The following MACROD1 variants were observed in gnomAD, a reference collection of about 807,000 sequenced individuals.
MACROD1 encodes ADP-ribose glycohydrolase MACROD1.
In MACROD1, 31 loss-of-function variants were observed where a neutral mutation model predicts 41.4. The observed-to-expected ratio is 0.75, with a 90% confidence interval of 0.56 to 1.01. The LOEUF (loss-of-function observed/expected upper bound fraction) is 1.01. MACROD1 is among the 50% of genes least tolerant of loss of function. MACROD1 has a pLI of 0.00. For synonymous variants in MACROD1, 252 were observed against 203.4 expected, an observed-to-expected ratio of 1.24 and a Z score of -2.03; for missense variants, 473 against 460.0, an observed-to-expected ratio of 1.03 and a Z score of -0.26.
Position 64,165,911 on chromosome 11 carries a change from G to C in MACROD1, c.84C>G (p.Pro28=). ...TCCTCGTGGCACCCGCCAAGTGTCC[G>C]GGCCGGGGGCGCGGGGGGACGAGCA... is the stretch of plus-strand genomic sequence containing the variant. The part of the protein sequence containing the change: ...GQLLVPPRPR[P]GHLAGATRTR... Residue 28 remains proline (P), a synonymous_variant, in exon 1 of 11, where the codon CCC becomes CCG. Coordinates refer to ENST00000255681, the MANE Select transcript of MACROD1 (RefSeq NM_014067.4). 3 of 1,336,860 alleles carry C rather than the reference G, an allele frequency of 2.2e-6. No homozygotes were observed. The highest frequency in any genetic ancestry group is 1.9e-6 in the Non-Finnish European group (2 of 1,050,380). 82.8% of individuals were successfully genotyped at this position (1,336,860 alleles called of 1,614,324 possible). A position where few individuals can be genotyped will look rare whatever the true frequency, so the allele number is the denominator to read the frequency against.
chr11:64,129,139 C>G (rs1307847406), intron 3 of MACROD1, among the ~76,000 whole-genome samples: 2 of 152,396 alleles, frequency 1.3e-5, no homozygotes, highest in East Asian at 3.9e-4. Flanking sequence ...GCCCCTGGAG[C>G]TAACACAGGT....
At chr11:64,042,253 C>G (rs1329810575) in intron 3 of MACROD1, among the ~76,000 whole-genome samples, 3 of 152,198 alleles carry the variant, frequency 2.0e-5, no homozygotes, top group Non-Finnish European at 2.9e-5. Flanking sequence ...CTGAGCCAGG[C>G]TCTGAGGTGA....
intron 3 of MACROD1, among the ~76,000 whole-genome samples, 173 bp from the exon 4 acceptor site, chr11:64,015,454 G>A (rs1191616682): frequency 6.6e-6 from 1 of 152,186 alleles, no homozygotes; most frequent in African/African-American, 2.4e-5. Flanking sequence ...TGAAGAGGGA[G>A]GAGGTTCTTC....
At chr11:64,065,522 G>C (rs1943982711) in intron 3 of MACROD1, among the ~76,000 whole-genome samples, 1 of 152,192 alleles carries the variant, frequency 6.6e-6, no homozygotes, top group Non-Finnish European at 1.5e-5. Context: ...AGGCGCGGTG[G>C]CTCATGCCTG....
chr11:64,073,156 G>A (rs538736441), intron 3 of MACROD1, among the ~76,000 whole-genome samples: 2 of 152,332 alleles, frequency 1.3e-5, no homozygotes, highest in South Asian at 2.1e-4. Flanking sequence ...TGAGGGCCAC[G>A]GGGCACCAGG....
chr11:64,165,874 T>C lies in MACROD1; in HGVS notation c.121A>G (p.Thr41Ala). The change falls in exon 1 of 11, where the codon ACG (threonine) becomes GCG (alanine). Residue 41 changes from threonine to alanine, a missense_variant. Thr to Ala is a moderately conservative substitution (Grantham distance 58, BLOSUM62 0). Coordinates refer to ENST00000255681, the MANE Select transcript of MACROD1 (RefSeq NM_014067.4). The stretch of plus-strand genomic sequence containing the variant: ...CCCAGGAACGCCGGGGGACCGCACG[T>C]GCTGCTGCGGGTCCTCGTGGCACCC... ...LAGATRTRSS[T>A]CGPPAFLGVF... is the part of the protein sequence containing the mutation. 1 of 1,422,030 alleles carries C rather than the reference T, an allele frequency of 7.0e-7. No individual in the cohort carries two copies. 88.1% of individuals were successfully genotyped at this position (1,422,030 alleles called of 1,614,324 possible). A position where few individuals can be genotyped will look rare whatever the true frequency, so the allele number is the denominator to read the frequency against.
At chr11:64,088,470 C>T (rs376458014) in intron 3 of MACROD1, among the ~76,000 whole-genome samples, 35 of 152,294 alleles carry the variant, frequency 2.3e-4, no homozygotes, top group African/African-American at 5.5e-4. Flanking sequence ...GCAGGGCAGG[C>T]GCTCAGGAGC....
rs4980520 is a variant in MACROD1 at position 64,065,616 on chromosome 11, A to T, written c.518-50335T>A. Among the ~76,000 whole-genome samples the T allele has an allele frequency of 4.6e-3, 687 of 148,664 alleles. 4 individuals carry two copies. Among genetic ancestry groups the T allele is most frequent in the Middle Eastern group, 7.0e-3 (2 of 284 alleles). On this transcript the variant is annotated intron_variant, in intron 3 of 10. Transcript: ENST00000255681. ...CATCCTGGCTAACACGGTGAAACCC[A>T]GTCTCTACTAAAAAATACAAAAAAT...
intron 4 of MACROD1, among the ~76,000 whole-genome samples, chr11:64,008,020 G>A (rs1455871880): frequency 2.0e-5 from 3 of 152,400 alleles, no homozygotes; most frequent in African/African-American, 7.2e-5. Flanking sequence ...TCACGGATTA[G>A]CAGCGGCCGG....
chr11:64,132,272 A>T (rs962094409), intron 3 of MACROD1, among the ~76,000 whole-genome samples: 2 of 151,888 alleles, frequency 1.3e-5, no homozygotes, highest in African/African-American at 4.8e-5. Context: ...TAAGCCTATT[A>T]TGGAGGCTCC....
intron 3 of MACROD1, among the ~76,000 whole-genome samples, chr11:64,015,782 G>T (rs1011716304): frequency 6.6e-6 from 1 of 152,078 alleles, no homozygotes; most frequent in East Asian, 1.9e-4. Context: ...GGCCAGAGCT[G>T]GAGGACTGAG....
In MACROD1 at chr11:64,092,216, ACGT is replaced by A. The variant is rs773485278; in HGVS notation, c.517+59020_517+59022del. ...AGAGGGCTCTAATTCCTACCCACTAACGTCTCCCCTGTTCTTGTCTTTCTGTCT... is the reference window on the plus strand; with the variant it reads ...AGAGGGCTCTAATTCCTACCCACTAACTCCCCTGTTCTTGTCTTTCTGTCT... On this transcript the variant is annotated intron_variant, in intron 3 of 10. Coordinates refer to ENST00000255681, the MANE Select transcript of MACROD1 (RefSeq NM_014067.4). Among the ~76,000 whole-genome samples, 239 of 152,238 alleles carry A rather than the reference ACGT, an allele frequency of 1.6e-3. 4 individuals are homozygous for A. The highest frequency in any genetic ancestry group is 3.5e-4 in the Non-Finnish European group (24 of 68,048).
chr11:64,159,075 A>G (rs1295110842), intron 1 of MACROD1, among the ~76,000 whole-genome samples: 2 of 152,044 alleles, frequency 1.3e-5, no homozygotes, highest in Non-Finnish European at 2.9e-5. Context: ...TAATTCCAGC[A>G]CTTTGGGAGG....
intron 3 of MACROD1, among the ~76,000 whole-genome samples, chr11:64,042,069 C>T: frequency 6.6e-6 from 1 of 152,144 alleles, no homozygotes; most frequent in Non-Finnish European, 1.5e-5. Context: ...AGGCCTGGAG[C>T]TGGCCACAGG....
chr11:64,001,651 A>T (rs1405400614), intron 4 of MACROD1: 1 of 700,452 alleles, frequency 1.4e-6, no homozygotes, highest in African/African-American at 1.7e-5. Flanking sequence ...GTGGGCAGAG[A>T]GGTTAGGGGA....
At chr11:64,010,133 G>A (rs320148) in intron 4 of MACROD1, among the ~76,000 whole-genome samples, 2,120 of 145,668 alleles carry the variant, frequency 0.015, 19 homozygotes, top group African/African-American at 0.051. Flanking sequence ...TGGTTGGGGG[G>A]TTGGTTGGGG....
intron 3 of MACROD1, among the ~76,000 whole-genome samples, chr11:64,026,010 G>A (rs538506877): frequency 3.4e-4 from 51 of 152,124 alleles, no homozygotes; most frequent in African/African-American, 1.0e-3. Flanking sequence ...GTGAAACCCC[G>A]TCTCTACTAA....
At chr11:64,118,265 C>T (rs1328702359) in intron 3 of MACROD1, 4 of 1,592,178 alleles carry the variant, frequency 2.5e-6, no homozygotes. Flanking sequence ...ACGGCGGCAT[C>T]CCCGACATAG....
intron 3 of MACROD1, among the ~76,000 whole-genome samples, chr11:64,095,025 G>A (rs998913587): frequency 2.0e-5 from 3 of 152,120 alleles, no homozygotes; most frequent in South Asian, 2.1e-4. Flanking sequence ...AGTGTGCCGC[G>A]AATGCTTTCT....
Sources: gnomAD v4.1 joint callset for allele counts (sites outside exome capture counted in the v4.1 genomes callset) on GRCh38, gnomAD v4.1.1 for gene constraint, MANE v1.5 for transcripts, NCBI Gene and HGNC (gene_info 2026-07-23, HGNC 2026-07-21) for gene names.